DNAH9: variants seen among roughly 807,000 people sequenced by gnomAD.
DNAH9 encodes the protein DNAH9 variant protein.
Under a neutral mutation model 471.6 loss-of-function variants are expected in DNAH9, and 345 were observed. The observed-to-expected ratio is 0.73, with a 90% CI of 0.67 to 0.80. The LOEUF (loss-of-function observed/expected upper bound fraction) is 0.80. Among genes scored for constraint, DNAH9 ranks in the 30% least tolerant of loss-of-function variants. DNAH9 has a pLI of 0.00. For synonymous variants in DNAH9, 2,093 were observed against 2,123.6 expected, an observed-to-expected ratio of 0.99 and a Z score of 0.40; for missense variants, 5,407 against 5,609.2, an observed-to-expected ratio of 0.96 and a Z score of 1.15.
chr17:11,606,867 T>A (rs2072520410), intron 1 of DNAH9, among the ~76,000 whole-genome samples: 1 of 152,142 alleles, frequency 6.6e-6, no homozygotes, highest in African/African-American at 2.4e-5. Flanking sequence ...AAGGCGCTAT[T>A]GGTTGTGAAG....
intron 45 of DNAH9, among the ~76,000 whole-genome samples, chr17:11,817,495 A>G (rs919084840): frequency 2.0e-5 from 3 of 152,204 alleles, no homozygotes; most frequent in Non-Finnish European, 2.9e-5. Flanking sequence ...TAGGCTTTGC[A>G]TATCATACAG....
chr17:11,728,018 G>C lies in DNAH9; in HGVS notation c.5814+96G>C, dbSNP rs73292624. On this transcript the variant is annotated intron_variant, in intron 28 of 68. Transcript: ENST00000262442. Reference sequence around the variant, plus strand: ...TTTTCTACCTCTCCTGAGCATCTACGTCCCTTTTTCCCTTGTCATTTCATG... The same window carrying C: ...TTTTCTACCTCTCCTGAGCATCTACCTCCCTTTTTCCCTTGTCATTTCATG... The C allele has an allele frequency of 2.1e-4, 165 of 784,720 alleles. No homozygotes were observed. In the African/African-American group the frequency reaches 2.7e-3, roughly 13 times the overall value. The allele number at this position is 784,720 out of a possible 1,614,324, so 48.6% of individuals were successfully genotyped here.
chr17:11,764,811 AC>A (rs1367620457), intron 36 of DNAH9, among the ~76,000 whole-genome samples: 2 of 152,170 alleles, frequency 1.3e-5, no homozygotes, highest in Non-Finnish European at 2.9e-5. Flanking sequence ...ATGGAAGGGA[AC>A]TTTGAAGGTG....
At chr17:11,655,351 G>GGTGTGTGTGTGT in intron 14 of DNAH9, among the ~76,000 whole-genome samples, 1 of 147,824 alleles carries the variant, frequency 6.8e-6, no homozygotes, top group South Asian at 2.2e-4. Flanking sequence ...AGCATTCCAT[G>GGTGTGTGTGTGT]GTGTGTGTGT....
chr17:11,727,083 T>G (rs1026379318), intron 27 of DNAH9, among the ~76,000 whole-genome samples: 2 of 125,246 alleles, frequency 1.6e-5, no homozygotes, highest in African/African-American at 6.2e-5. Context: ...AAAAACCCGC[T>G]GAATAAATGA....
intron 26 of DNAH9, 129 bp downstream of exon 26, chr17:11,705,314 A>G: frequency 1.3e-6 from 1 of 745,442 alleles, no homozygotes; most frequent in Non-Finnish European, 2.2e-6. Context: ...GCCTGACTCA[A>G]CACAGCCTGT....
chr17:11,888,213 G>T (rs2158972), intron 57 of DNAH9, among the ~76,000 whole-genome samples: 46,050 of 151,666 alleles, frequency 0.3, 7,228 homozygotes, highest in Admixed American at 0.38. Flanking sequence ...CTCGATCTCC[G>T]GACTTCGTGA....
intron 35 of DNAH9, among the ~76,000 whole-genome samples, chr17:11,760,996 T>C (rs1264652947): frequency 6.6e-6 from 1 of 152,240 alleles, no homozygotes; most frequent in Non-Finnish European, 1.5e-5. Flanking sequence ...AGCCGTGTCA[T>C]GTCAACAGAT....
chr17:11,957,918 T>A (rs1032430574), intron 67 of DNAH9, among the ~76,000 whole-genome samples: 1 of 152,202 alleles, frequency 6.6e-6, no homozygotes, highest in Non-Finnish European at 1.5e-5. Context: ...CCTATAATTA[T>A]CTCAAAATCG....
chr17:11,863,069 T>C (rs1419537068), intron 50 of DNAH9, among the ~76,000 whole-genome samples: 2 of 151,956 alleles, frequency 1.3e-5, no homozygotes, highest in Non-Finnish European at 2.9e-5. Context: ...TGAATAGGAG[T>C]GGTGAGAGAG....
chr17:11,840,775 A>T (rs539018196), intron 49 of DNAH9, among the ~76,000 whole-genome samples: 4 of 152,266 alleles, frequency 2.6e-5, no homozygotes, highest in African/African-American at 9.6e-5. Context: ...AGAGGGAAGA[A>T]AATATTGTGT....
rs530632761 is a variant in DNAH9 at position 11,655,620 on chromosome 17, C to T, written c.2595+2618C>T. 5.7e-3 allele frequency among the ~76,000 whole-genome samples: 856 copies of T among 149,438 alleles called. 6 individuals are homozygous for T. Among genetic ancestry groups the T allele is most frequent in the Middle Eastern group, 7.1e-3 (2 of 282 alleles). On this transcript the variant is annotated intron_variant, in intron 14 of 68. Transcript: ENST00000262442. ...CAGTCCCCATGTATATATATATACA[C>T]ACACACACACACCATGTATATACAT...
At chr17:11,762,029 T>G (rs1434203003) in intron 35 of DNAH9, among the ~76,000 whole-genome samples, 1 of 146,626 alleles carries the variant, frequency 6.8e-6, no homozygotes, top group African/African-American at 2.4e-5. Flanking sequence ...GAGAGTTGTG[T>G]TATATCCGTC....
At chr17:11,726,166 A>G (rs2075148262) in intron 27 of DNAH9, among the ~76,000 whole-genome samples, 1 of 151,990 alleles carries the variant, frequency 6.6e-6, no homozygotes, top group African/African-American at 2.4e-5. Context: ...AGATACTCCT[A>G]TCCTATAAAG....
chr17:11,598,494 G>C lies in DNAH9; in HGVS notation c.-5G>C, dbSNP rs1027640722. ...GGAAACCGATGCAGCTGGAGGCCGC[G>C]CGCGATGCGGCTCGCGGAGGAGCGG... On this transcript the variant is annotated 5_prime_UTR_variant, in exon 1 of 69. Coordinates refer to ENST00000262442, the MANE Select transcript of DNAH9 (RefSeq NM_001372.4). 8.0e-6 allele frequency: 11 copies of C among 1,367,050 alleles called. No homozygotes were observed. The African/African-American group carries it at 1.5e-4, about 19-fold the overall frequency. The allele number at this position is 1,367,050 out of a possible 1,614,324, so 84.7% of individuals were successfully genotyped here. A position where few individuals can be genotyped will look rare whatever the true frequency, so the allele number is the denominator to read the frequency against.
Position 11,932,904 on chromosome 17 carries a change from G to A in DNAH9, c.12297+699G>A, listed in dbSNP as rs954680928. ...TTCGCTAACAATCAGTGCTCTTCCA[G>A]TTAAGGGAATATTCACCTCGTCAAG... On this transcript the variant is annotated intron_variant, in intron 64 of 68. Coordinates refer to ENST00000262442, the MANE Select transcript of DNAH9 (RefSeq NM_001372.4). This position sits in a 1 kb window ranked among gnomAD's most constrained non-coding sequence, Gnocchi z 4.3. 6.6e-6 allele frequency among the ~76,000 whole-genome samples: 1 copy of A among 152,190 alleles called. No homozygotes were observed. The highest frequency in any genetic ancestry group is 1.5e-5 in the Non-Finnish European group (1 of 68,046).
intron 1 of DNAH9, among the ~76,000 whole-genome samples, chr17:11,602,599 G>A (rs1371611819): frequency 6.6e-6 from 1 of 152,164 alleles, no homozygotes; most frequent in African/African-American, 2.4e-5. Context: ...TGCTACCCTT[G>A]CGTGTGTATG....
At chr17:11,726,892 A>G (rs542288916) in intron 27 of DNAH9, among the ~76,000 whole-genome samples, 201 of 152,074 alleles carry the variant, frequency 1.3e-3, no homozygotes, top group African/African-American at 4.6e-3. Flanking sequence ...TACTAAAAAT[A>G]TAAAAATTAG....
At position 11,846,121 on chromosome 17, in the gene DNAH9, T is replaced by C. The variant is rs533560076; in HGVS notation, c.9508-7882T>C. ...GTAATGCCTAGGTTTTCTTCTAGGG[T>C]TTTTATGGTTTTAGGTCTAACGTTT... On this transcript the variant is annotated intron_variant, in intron 49 of 68. Coordinates refer to ENST00000262442, the MANE Select transcript of DNAH9 (RefSeq NM_001372.4). Among the ~76,000 whole-genome samples the C allele has an allele frequency of 1.8e-4, 26 of 148,098 alleles. No homozygotes were observed. In the South Asian group the frequency reaches 5.6e-3, roughly 32 times the overall value.
Sources: gnomAD v4.1 joint callset for allele counts (sites outside exome capture counted in the v4.1 genomes callset) on GRCh38, gnomAD v4.1.1 for gene constraint, Gnocchi (gnomAD v3.1) non-coding constraint, MANE v1.5 for transcripts, NCBI Gene and HGNC (gene_info 2026-07-23, HGNC 2026-07-21) for gene names.